The following SNAP29 variants were observed in gnomAD, a reference collection of about 807,000 sequenced individuals.
The protein encoded by SNAP29 is synaptosomal-associated protein 29.
In SNAP29, 13 loss-of-function variants were observed where a neutral mutation model predicts 27.9. The observed-to-expected ratio is 0.47, with a 90% CI of 0.30 to 0.74. The LOEUF is 0.74. Among genes scored for constraint, SNAP29 ranks in the 30% least tolerant of loss-of-function variants. The pLI is 0.06. For missense variants in SNAP29, 368 were observed against 336.5 expected (o/e 1.09, Z -0.73); for synonymous variants, 119 against 127.1 (o/e 0.94, Z 0.43).
At chr22:20,871,863 C>CA (rs1476278165) in intron 2 of SNAP29, among the ~76,000 whole-genome samples, 1 of 150,996 alleles carries the variant, frequency 6.6e-6, no homozygotes, top group African/African-American at 2.4e-5. Context: ...GCCTGGGCGA[C>CA]AGAGCAAGAC....
intron 3 of SNAP29, among the ~76,000 whole-genome samples, chr22:20,882,509 C>G (rs1268885417): frequency 1.3e-5 from 2 of 152,098 alleles, no homozygotes; most frequent in Non-Finnish European, 2.9e-5. Context: ...AGCTCTGGAA[C>G]CCACCATGGT....
intron 4 of SNAP29, among the ~76,000 whole-genome samples, chr22:20,886,847 A>G (rs1661420180): frequency 6.6e-6 from 1 of 151,826 alleles, no homozygotes; most frequent in African/African-American, 2.4e-5. Flanking sequence ...TCCCGACCTC[A>G]TACGATCCAC....
chr22:20,871,211 TG>T (rs1928583589), intron 2 of SNAP29, among the ~76,000 whole-genome samples: 1 of 151,804 alleles, frequency 6.6e-6, no homozygotes, highest in African/African-American at 2.4e-5. Flanking sequence ...ATTATAAGGC[TG>T]GGCTCAGTGG....
chr22:20,861,041 C>T (rs1288191221), intron 1 of SNAP29, among the ~76,000 whole-genome samples: 2 of 152,020 alleles, frequency 1.3e-5, no homozygotes, highest in African/African-American at 2.4e-5. Context: ...TATCATTTCC[C>T]CTTGCTGTTT....
In SNAP29 at chr22:20,881,002, G is replaced by T. The variant is rs761126445; in HGVS notation, c.435-47G>T. ...AAAGACTGATAACATTGTCATAGGG[G>T]TTTTTCCTTTTTAAACGTTTTCTTT... On this transcript the variant is annotated intron_variant, in intron 2 of 4. Transcript: ENST00000215730. 3 of 1,259,644 alleles carry T rather than the reference G, an allele frequency of 2.4e-6. No individual in the cohort carries two copies. The East Asian group carries it at 7.0e-5, about 29-fold the overall frequency. 78.0% of individuals were successfully genotyped at this position (1,259,644 alleles called of 1,614,324 possible).
rs572445975 is a variant in SNAP29 at position 20,889,624 on chromosome 22, C to T, written c.*1788C>T. The T allele has an allele frequency of 6.6e-6, 1 of 152,310 alleles. No individual in the cohort carries two copies. The highest frequency in any genetic ancestry group is 1.5e-5 in the Non-Finnish European group (1 of 68,038). 9.4% of individuals were successfully genotyped at this position (152,310 alleles called of 1,614,324 possible). A position where few individuals can be genotyped will look rare whatever the true frequency, so the allele number is the denominator to read the frequency against. ...CAAAAAGGCTGCTTAAAAGCATGAACCCGGGATGCAGAGCAGCTTTTGTGC... is the reference window on the plus strand; with the variant it reads ...CAAAAAGGCTGCTTAAAAGCATGAATCCGGGATGCAGAGCAGCTTTTGTGC... On this transcript the variant is annotated 3_prime_UTR_variant, in exon 5 of 5. Transcript: ENST00000215730.
At chr22:20,886,988 C>A (rs1045501980) in intron 4 of SNAP29, among the ~76,000 whole-genome samples, 1 of 151,974 alleles carries the variant, frequency 6.6e-6, no homozygotes, top group African/African-American at 2.4e-5. Context: ...CTTTGGGAGG[C>A]CAAGACGGGC....
intron 2 of SNAP29, among the ~76,000 whole-genome samples, chr22:20,876,255 CTTTTTT>C (rs539425477): frequency 7.7e-6 from 1 of 129,600 alleles, no homozygotes; most frequent in Non-Finnish European, 1.6e-5. Context: ...AAAACTTTGC[CTTTTTT>C]TTTTTTTTTT....
chr22:20,887,224 C>CAAA (rs947412288), intron 4 of SNAP29, among the ~76,000 whole-genome samples: 6 of 104,612 alleles, frequency 5.7e-5, no homozygotes, highest in Non-Finnish European at 1.0e-4. Flanking sequence ...AATGCTGTCT[C>CAAA]AAAAAAAAAA....
At chr22:20,876,621 G>A (rs1381722273) in intron 2 of SNAP29, among the ~76,000 whole-genome samples, 18 of 148,018 alleles carry the variant, frequency 1.2e-4, no homozygotes, top group African/African-American at 3.8e-4. Context: ...AGGCTGGAGT[G>A]CAGTGGCGTG....
At chr22:20,885,840 G>A (rs1929001776) in intron 4 of SNAP29, among the ~76,000 whole-genome samples, 1 of 152,138 alleles carries the variant, frequency 6.6e-6, no homozygotes, top group Admixed American at 6.5e-5. Flanking sequence ...GGTGGGGCAG[G>A]GAGTGTTGCC....
At chr22:20,860,148 C>T (rs1317689587) in intron 1 of SNAP29, among the ~76,000 whole-genome samples, 1 of 150,436 alleles carries the variant, frequency 6.6e-6, no homozygotes, top group East Asian at 2.0e-4. Flanking sequence ...CTCAGGAGTT[C>T]GAGACCCGCC....
At chr22:20,877,736 A>G (rs1449391235) in intron 2 of SNAP29, among the ~76,000 whole-genome samples, 1 of 152,186 alleles carries the variant, frequency 6.6e-6, no homozygotes, top group African/African-American at 2.4e-5. Context: ...AAAGAAAAAA[A>G]TTGGCTTTCT....
chr22:20,869,384 G>C (rs139289441), intron 1 of SNAP29, among the ~76,000 whole-genome samples: 7 of 152,186 alleles, frequency 4.6e-5, no homozygotes, highest in Non-Finnish European at 1.0e-4. Context: ...TTGGATGAGG[G>C]ATGAGAGGCT....
intron 1 of SNAP29, among the ~76,000 whole-genome samples, chr22:20,864,050 T>C (rs2147860553): frequency 6.6e-6 from 1 of 152,294 alleles, no homozygotes; most frequent in South Asian, 2.1e-4. Context: ...TTGGTGAGTC[T>C]ATTTGCATCC....
intron 2 of SNAP29, among the ~76,000 whole-genome samples, chr22:20,874,349 CCACACA>C (rs361854): frequency 0.075 from 9,232 of 123,244 alleles, 506 homozygotes; most frequent in Non-Finnish European, 0.097. Context: ...CGAAAATTAG[CCACACA>C]CACACACACA....
rs2147874676 is a variant in SNAP29 at position 20,887,690 on chromosome 22, A to G, written c.631A>G (p.Met211Val). 2.5e-6 allele frequency: 4 copies of G among 1,614,196 alleles called. No individual in the cohort carries two copies. The highest frequency in any genetic ancestry group is 4.5e-5 in the East Asian group (2 of 44,882). The change falls in exon 5 of 5, where the codon ATG (methionine) becomes GTG (valine). Residue 211 changes from methionine (M) to valine (V), a missense_variant. Physicochemically the swap from Met to Val is conservative, Grantham distance 21. Transcript: ENST00000215730. ...TCCTCCTCCTGCAGATGAGCTGTCC[A>G]TGGGACTGGGTCGTCTGAAGGACAT... ...KIDSNLDELS[M>V]GLGRLKDIAL...
rs187245996 is a variant in SNAP29 at position 20,873,508 on chromosome 22, C to G, written c.434+2975C>G. Among the ~76,000 whole-genome samples, 24 of 152,176 alleles carry G rather than the reference C, an allele frequency of 1.6e-4. No individual in the cohort carries two copies. In the East Asian group the frequency reaches 3.9e-3, roughly 25 times the overall value. ...GGAGAAACCAGTGTAGGTAACAAAG[C>G]TGGTGGTGATGGCAGAAAGAACAGG... On this transcript the variant is annotated intron_variant, in intron 2 of 4. Coordinates refer to ENST00000215730, the MANE Select transcript of SNAP29 (RefSeq NM_004782.4).
rs1451394898 is a variant in SNAP29 at position 20,888,342 on chromosome 22, C to G, written c.*506C>G. The G allele has an allele frequency of 5.4e-6, 1 of 186,216 alleles. No homozygotes were observed. The highest frequency in any genetic ancestry group is 1.0e-5 in the Non-Finnish European group (1 of 95,674). The allele number at this position is 186,216 out of a possible 1,614,324, so 11.5% of individuals were successfully genotyped here. On this transcript the variant is annotated 3_prime_UTR_variant, in exon 5 of 5. Transcript: ENST00000215730. ...ACACACACACACACACACACACACA[C>G]ACACACACACACACTCTCTGAGCAC...
Sources: allele counts gnomAD v4.1 joint callset (sites outside exome capture counted in the v4.1 genomes callset), GRCh38; gene constraint gnomAD v4.1.1; transcripts MANE v1.5; gene names NCBI Gene and HGNC (gene_info 2026-07-23, HGNC 2026-07-21).